The following GLDC variants were observed in gnomAD, a reference collection of about 807,000 sequenced individuals.
GLDC encodes the protein glycine dehydrogenase (decarboxylating), mitochondrial.
A neutral mutation model predicts 121.3 loss-of-function variants in GLDC; 104 were observed. That is an observed-to-expected ratio of 0.86 (90% confidence interval 0.73 to 1.01). The LOEUF (loss-of-function observed/expected upper bound fraction) is 1.01. Ranked by LOEUF, GLDC falls within the 50% of genes least tolerant of loss-of-function variation. GLDC has a pLI of 0.00. For missense variants in GLDC, 1,429 were observed against 1,306.6 expected (o/e 1.09, Z -1.44); for synonymous variants, 546 against 480.6 (o/e 1.14, Z -1.78).
At chr9:6,642,633 C>G (rs1819651915) in intron 2 of GLDC, among the ~76,000 whole-genome samples, 2 of 152,170 alleles carry the variant, frequency 1.3e-5, no homozygotes, top group Admixed American at 6.6e-5. Flanking sequence ...CCTTAATGTT[C>G]AAATTATTCA....
At chr9:6,586,670 C>T (rs1280104363) in intron 15 of GLDC, among the ~76,000 whole-genome samples, 1 of 152,204 alleles carries the variant, frequency 6.6e-6, no homozygotes, top group Non-Finnish European at 1.5e-5. Flanking sequence ...CAATGAACGA[C>T]ATCTACCAAA....
In GLDC at chr9:6,588,698, G is replaced by A. The variant is rs770064608; in HGVS notation, c.1585C>T (p.His529Tyr). Residue 529 changes from histidine to tyrosine, a missense_variant, in exon 13 of 25, where the codon CAC becomes TAC. His to Tyr is a moderately conservative substitution (Grantham distance 83). Transcript: ENST00000321612. ...TACCGGACAATGTTTGTTTCAGAGT[G>A]GTAGCTGTGAACACAAAACACAGAA... The part of the protein sequence containing the change: ...FLTHQVFNSY[H>Y]SETNIVRYMK... 30 of 1,609,696 alleles carry A rather than the reference G, an allele frequency of 1.9e-5. No individual in the cohort carries two copies. Among genetic ancestry groups the A allele is most frequent in the Non-Finnish European group, 2.6e-5 (30 of 1,175,980 alleles).
At chr9:6,590,954 T>G (rs1818363604) in intron 11 of GLDC, among the ~76,000 whole-genome samples, 1 of 152,224 alleles carries the variant, frequency 6.6e-6, no homozygotes, top group South Asian at 2.1e-4. Flanking sequence ...ACAGCACCAC[T>G]CAGCACTCTG....
intron 11 of GLDC, among the ~76,000 whole-genome samples, chr9:6,589,508 G>A (rs1818336094): frequency 6.6e-6 from 1 of 152,102 alleles, no homozygotes; most frequent in African/African-American, 2.4e-5. Context: ...TCAACTCACT[G>A]TAGCCTTGGC....
chr9:6,574,034 T>C (rs1818015218), intron 15 of GLDC, among the ~76,000 whole-genome samples: 1 of 152,208 alleles, frequency 6.6e-6, no homozygotes, highest in African/African-American at 2.4e-5. Context: ...TCTGTAATGT[T>C]CTTACCAATC....
chr9:6,569,239 C>T (rs1280238348), intron 15 of GLDC: 1 of 151,940 alleles, frequency 6.6e-6, no homozygotes, highest in Non-Finnish European at 1.5e-5. Context: ...TTCAGAAGAG[C>T]TAAAAGTTCC....
At chr9:6,638,272 C>A (rs1254044746) in intron 2 of GLDC, among the ~76,000 whole-genome samples, 1 of 151,638 alleles carries the variant, frequency 6.6e-6, no homozygotes, top group Non-Finnish European at 1.5e-5. Flanking sequence ...TGCAATGGCG[C>A]GACTTAGCTC....
chr9:6,535,068 G>T (rs918666009), intron 23 of GLDC, among the ~76,000 whole-genome samples: 5 of 152,122 alleles, frequency 3.3e-5, no homozygotes, highest in Non-Finnish European at 7.4e-5. Context: ...GTTTGGTGCT[G>T]CCTGTATATC....
intron 16 of GLDC, among the ~76,000 whole-genome samples, chr9:6,560,740 T>A (rs1817738151): frequency 6.6e-6 from 1 of 152,224 alleles, no homozygotes; most frequent in African/African-American, 2.4e-5. Context: ...CACCCTGTGG[T>A]ACACTGAATA....
At chr9:6,609,626 A>G (rs992002094) in intron 4 of GLDC, among the ~76,000 whole-genome samples, 1 of 141,166 alleles carries the variant, frequency 7.1e-6, no homozygotes, top group Non-Finnish European at 1.5e-5. Context: ...CCTCACCCCC[A>G]CCCCCAGCCA....
chr9:6,556,100 C>T (rs1311340432), intron 18 of GLDC, 53 bp downstream of exon 18: 189 of 1,443,506 alleles, frequency 1.3e-4, no homozygotes, highest in Admixed American at 1.2e-3. Context: ...TTTTTTTTTT[C>T]CACATATCCA....
chr9:6,604,558 A>G (rs1020102633), intron 7 of GLDC, 30 bp downstream of exon 7: 3 of 1,570,276 alleles, frequency 1.9e-6, no homozygotes, highest in African/African-American at 1.4e-5. Context: ...CATAATCACA[A>G]TAAAAGTAGA....
chr9:6,555,668 T>A (rs1344154213), intron 18 of GLDC, among the ~76,000 whole-genome samples: 1 of 152,112 alleles, frequency 6.6e-6, no homozygotes, highest in East Asian at 1.9e-4. Context: ...AGCATGCACC[T>A]GTAGTCCCAG....
At chr9:6,572,318 A>C (rs1308379687) in intron 15 of GLDC, among the ~76,000 whole-genome samples, 3 of 152,228 alleles carry the variant, frequency 2.0e-5, no homozygotes, top group African/African-American at 7.2e-5. Context: ...TGCTGGGAAA[A>C]TGACATGTGG....
At chr9:6,596,212 G>T (rs1002521029) in intron 8 of GLDC, among the ~76,000 whole-genome samples, 1 of 152,172 alleles carries the variant, frequency 6.6e-6, no homozygotes, top group Non-Finnish European at 1.5e-5. Flanking sequence ...TTCACAGAAT[G>T]CCCTGGCAGC....
intron 15 of GLDC, chr9:6,566,437 G>A (rs555501552): frequency 2.0e-5 from 3 of 152,004 alleles, no homozygotes; most frequent in Admixed American, 6.6e-5. Flanking sequence ...ACCAAATATC[G>A]AGTCAAGGGC....
At chr9:6,591,668 G>A (rs1036181643) in intron 11 of GLDC, among the ~76,000 whole-genome samples, 2 of 151,912 alleles carry the variant, frequency 1.3e-5, no homozygotes, top group Admixed American at 6.6e-5. Context: ...CACTGCAACC[G>A]CCGCCTCCTG....
intron 15 of GLDC, among the ~76,000 whole-genome samples, chr9:6,583,546 C>T (rs534004489): frequency 6.6e-5 from 10 of 152,172 alleles, no homozygotes; most frequent in African/African-American, 2.2e-4. Flanking sequence ...CATAGTGATG[C>T]GTGCCAGTAG....
At chr9:6,552,229 C>T (rs1563833964) in intron 20 of GLDC, among the ~76,000 whole-genome samples, 1 of 152,162 alleles carries the variant, frequency 6.6e-6, no homozygotes, top group African/African-American at 2.4e-5. Context: ...TTAAACCCTA[C>T]TTTATTTATT....
Sources: gnomAD v4.1 joint callset for allele counts (sites outside exome capture counted in the v4.1 genomes callset) on GRCh38, gnomAD v4.1.1 for gene constraint, MANE v1.5 for transcripts, NCBI Gene and HGNC (gene_info 2026-07-23, HGNC 2026-07-21) for gene names.